The following NRXN1 variants were observed in gnomAD, a reference collection of about 807,000 sequenced individuals.
The protein encoded by NRXN1 is neurexin 1.
A neutral mutation model predicts 150.9 loss-of-function variants in NRXN1; 39 were observed. The ratio of observed to expected loss-of-function variants is 0.26; its 90% CI spans 0.20 to 0.34. NRXN1 has a LOEUF of 0.34. Among genes scored for constraint, NRXN1 ranks in the 10% least tolerant of loss-of-function variants. NRXN1 has a pLI of 1.00. For synonymous variants in NRXN1, 924 were observed against 757.0 expected, an observed-to-expected ratio of 1.22 and a Z score of -3.62; for missense variants, 1,815 against 1,949.9, an observed-to-expected ratio of 0.93 and a Z score of 1.30.
intron 5 of NRXN1, among the ~76,000 whole-genome samples, chr2:50,893,035 C>T (rs1349162409): frequency 6.6e-6 from 1 of 152,150 alleles, no homozygotes; most frequent in African/African-American, 2.4e-5. Context: ...GGGCAGTCTT[C>T]ACTCCAGAGC....
intron 5 of NRXN1, among the ~76,000 whole-genome samples, chr2:50,864,374 T>C (rs1164780672): frequency 3.9e-5 from 6 of 151,998 alleles, no homozygotes; most frequent in Admixed American, 3.9e-4. Context: ...AATGTCTTAT[T>C]TATCTTTTCA....
intron 5 of NRXN1, among the ~76,000 whole-genome samples, chr2:50,646,708 C>CATTTTTTTTTTTTT (rs1553923404): frequency 9.3e-6 from 1 of 107,438 alleles, no homozygotes; most frequent in African/African-American, 3.5e-5. Context: ...TTCATGTTGT[C>CATTTTTTTTTTTTT]TTTTTTTTTT....
intron 22 of NRXN1, chr2:49,926,523 C>A (rs60734597): frequency 5.2e-4 from 204 of 394,250 alleles, no homozygotes; most frequent in African/African-American, 3.9e-3. Context: ...TGCTCTAAAT[C>A]AATTTGTTCA....
At chr2:50,082,236 G>C (rs1698078384) in intron 19 of NRXN1, among the ~76,000 whole-genome samples, 4 of 152,152 alleles carry the variant, frequency 2.6e-5, no homozygotes, top group Non-Finnish European at 5.9e-5. Flanking sequence ...TTGGTGAAAA[G>C]TCCTTCAAGA....
chr2:49,942,614 T>TATTATTATTATTATTATTATTA lies in NRXN1; in HGVS notation c.4216+1089_4216+1090insTAATAATAATAATAATAATAAT, dbSNP rs112672714. Among the ~76,000 whole-genome samples, 29 of 149,006 alleles carry TATTATTATTATTATTATTATTA rather than the reference T, an allele frequency of 1.9e-4. 1 individual carries two copies. Among genetic ancestry groups the TATTATTATTATTATTATTATTA allele is most frequent in the South Asian group, 2.1e-4 (1 of 4,702 alleles). ...ATATTATTATTATTATTATTATTAT[T>TATTATTATTATTATTATTATTA]TTATTATTATTTTGAGACAAAATCC... On this transcript the variant is annotated intron_variant, in intron 22 of 22. Transcript: ENST00000401669.
At chr2:50,232,988 T>G (rs184516210) in intron 18 of NRXN1, among the ~76,000 whole-genome samples, 1 of 152,078 alleles carries the variant, frequency 6.6e-6, no homozygotes, top group Non-Finnish European at 1.5e-5. Flanking sequence ...TCTATACTTT[T>G]CTGTATTGTA....
At chr2:50,253,885 T>G (rs878865472) in intron 17 of NRXN1, among the ~76,000 whole-genome samples, 1 of 151,840 alleles carries the variant, frequency 6.6e-6, no homozygotes, top group African/African-American at 2.4e-5. Flanking sequence ...TTTTTTTTGT[T>G]GTATCTCTGG....
chr2:50,523,562 G>C (rs2092856643), intron 12 of NRXN1, among the ~76,000 whole-genome samples: 2 of 152,318 alleles, frequency 1.3e-5, no homozygotes, highest in South Asian at 4.1e-4. Flanking sequence ...TTAAGTGCCA[G>C]TGGTTGACAT....
chr2:50,239,375 C>G (rs571649211), intron 17 of NRXN1, among the ~76,000 whole-genome samples: 1 of 150,818 alleles, frequency 6.6e-6, no homozygotes, highest in African/African-American at 2.4e-5. Flanking sequence ...ACTAGAGATG[C>G]TATTTAATGA....
intron 17 of NRXN1, among the ~76,000 whole-genome samples, chr2:50,264,325 C>A (rs574491795): frequency 6.6e-6 from 1 of 152,182 alleles, no homozygotes; most frequent in East Asian, 1.9e-4. Context: ...AGAACAGTCG[C>A]TAGGTCTCTG....
rs948011999 is a variant in NRXN1, at chr2:50,073,744, T to TA, written c.3718+17578dup. 1.7e-4 allele frequency among the ~76,000 whole-genome samples: 26 copies of TA among 151,162 alleles called. 1 individual carries two copies. Among genetic ancestry groups the TA allele is most frequent in the Admixed American group, 1.2e-3 (18 of 15,136 alleles). On this transcript the variant is annotated intron_variant, in intron 19 of 22. Coordinates refer to ENST00000401669, the MANE Select transcript of NRXN1 (RefSeq NM_001330078.2). ...CTAGTTTAGGTAGGAAAATTGAGAATAAAAAAAAAGCATAGGCCTGTTAAT... is the reference window on the plus strand; with the variant it reads ...CTAGTTTAGGTAGGAAAATTGAGAATAAAAAAAAAAGCATAGGCCTGTTAAT...
At chr2:50,814,749 G>C (rs1303480575) in intron 5 of NRXN1, among the ~76,000 whole-genome samples, 2 of 151,894 alleles carry the variant, frequency 1.3e-5, no homozygotes, top group East Asian at 3.9e-4. Flanking sequence ...ATATACAAAG[G>C]TATTTGATAC....
intron 22 of NRXN1, among the ~76,000 whole-genome samples, chr2:49,942,614 T>TTATTATTATTA (rs1553398766): frequency 6.7e-6 from 1 of 148,928 alleles, no homozygotes. Flanking sequence ...TTATTATTAT[T>TTATTATTATTA]TTATTATTAT....
intron 5 of NRXN1, among the ~76,000 whole-genome samples, chr2:50,900,835 C>T (rs1682835153): frequency 2.0e-5 from 3 of 152,050 alleles, no homozygotes; most frequent in South Asian, 2.1e-4. Flanking sequence ...AGGTGATGAG[C>T]GCTACCTGGA....
intron 4 of NRXN1, 167 bp downstream of exon 4, chr2:50,922,491 A>G (rs1474146281): frequency 8.0e-6 from 6 of 752,346 alleles, no homozygotes; most frequent in Non-Finnish European, 9.3e-6. Context: ...TCAAACGAAC[A>G]AAGAAATGGA....
intron 14 of NRXN1, among the ~76,000 whole-genome samples, 186 bp downstream of exon 14, chr2:50,497,147 T>C (rs2091681347): frequency 6.6e-6 from 1 of 152,138 alleles, no homozygotes; most frequent in Non-Finnish European, 1.5e-5. Flanking sequence ...CAAAAAACTG[T>C]CCTAAATCCA....
At chr2:50,290,446 G>A (rs2072772410) in intron 17 of NRXN1, among the ~76,000 whole-genome samples, 1 of 152,130 alleles carries the variant, frequency 6.6e-6, no homozygotes, top group Non-Finnish European at 1.5e-5. Flanking sequence ...GTGGTTCCTT[G>A]ATACAAGTCA....
chr2:50,808,825 T>C (rs1667845495), intron 5 of NRXN1, among the ~76,000 whole-genome samples: 1 of 152,116 alleles, frequency 6.6e-6, no homozygotes, highest in Admixed American at 6.6e-5. Flanking sequence ...TTCAACACAT[T>C]AATTAAAGAT....
chr2:50,607,347 G>T (rs555692179), intron 8 of NRXN1, among the ~76,000 whole-genome samples: 2 of 152,222 alleles, frequency 1.3e-5, no homozygotes, highest in South Asian at 4.2e-4. Flanking sequence ...AGGCAGGTGT[G>T]CTTCAGTTTA....
Sources: allele counts gnomAD v4.1 joint callset (sites outside exome capture counted in the v4.1 genomes callset), GRCh38; gene constraint gnomAD v4.1.1; transcripts MANE v1.5; gene names NCBI Gene and HGNC (gene_info 2026-07-23, HGNC 2026-07-21).